NTM: variants seen among roughly 807,000 people sequenced by gnomAD.
NTM encodes the protein neurotrimin, also known as IgLON family member 2.
Under a neutral mutation model 42.1 loss-of-function variants are expected in NTM, and 13 were observed. The ratio of observed to expected loss-of-function variants is 0.31; its 90% CI spans 0.20 to 0.49. The LOEUF is 0.49. Among genes scored for constraint, NTM ranks in the 20% least tolerant of loss-of-function variants. The probability of loss-of-function intolerance (pLI) is 0.99; values close to 1 mark genes in which losing one functional copy is unlikely to be tolerated. For missense variants in NTM, 373 were observed against 452.8 expected, an observed-to-expected ratio of 0.82 and a Z score of 1.60; for synonymous variants, 187 against 179.2, an observed-to-expected ratio of 1.04 and a Z score of -0.35.
At chr11:131,474,256 C>A (rs957022825) in intron 1 of NTM, among the ~76,000 whole-genome samples, 14 of 152,184 alleles carry the variant, frequency 9.2e-5, no homozygotes, top group African/African-American at 3.4e-4. Context: ...GTTAACCCAC[C>A]TCCTCCATCT....
At position 131,659,674 on chromosome 11, in the gene NTM, C is replaced by A. The variant is rs147453818; in HGVS notation, c.83-251890C>A. On this transcript the variant is annotated intron_variant, in intron 1 of 8. Transcript: ENST00000683400. ...TTCAGCATAGATCTTTACCTCGAAC[C>A]CTCTCCAAGTCTTTAACATACCAAT... Among the ~76,000 whole-genome samples the A allele has an allele frequency of 5.3e-3, 812 of 152,254 alleles. 6 individuals carry two copies. The highest frequency in any genetic ancestry group is 0.019 in the African/African-American group (782 of 41,534).
At chr11:132,263,560 A>G (rs150403735) in intron 4 of NTM, among the ~76,000 whole-genome samples, 7 of 152,150 alleles carry the variant, frequency 4.6e-5, no homozygotes, top group African/African-American at 1.7e-4. Flanking sequence ...TATAATTCGG[A>G]CCAGCTGAGA....
At position 131,721,821 on chromosome 11, in the gene NTM, A is replaced by G. The variant is rs2078369241; in HGVS notation, c.83-189743A>G. Among the ~76,000 whole-genome samples the G allele has an allele frequency of 2.6e-5, 4 of 151,668 alleles. No individual in the cohort carries two copies. The South Asian group carries it at 6.3e-4, about 24-fold the overall frequency. ...AGACCAGCCTGACCAACATGGAGAA[A>G]CCCCATCTCTACTAAAAATGCAAAA... On this transcript the variant is annotated intron_variant, in intron 1 of 8. Transcript: ENST00000683400.
chr11:132,153,748 T>A (rs990705531), intron 3 of NTM, among the ~76,000 whole-genome samples: 3 of 152,178 alleles, frequency 2.0e-5, no homozygotes, highest in East Asian at 1.9e-4. Flanking sequence ...CATTTAACAG[T>A]ATTTTGAAGC....
At chr11:131,669,681 T>G (rs1006957267) in intron 1 of NTM, among the ~76,000 whole-genome samples, 3 of 151,904 alleles carry the variant, frequency 2.0e-5, no homozygotes, top group Admixed American at 6.6e-5. Context: ...ATAGCCTGGG[T>G]TTTTGGCCAC....
At chr11:131,704,864 A>T (rs908337162) in intron 1 of NTM, among the ~76,000 whole-genome samples, 1 of 152,218 alleles carries the variant, frequency 6.6e-6, no homozygotes, top group Non-Finnish European at 1.5e-5. Context: ...AACAGATTTG[A>T]TAAAGCAGAA....
chr11:131,592,686 A>ACACACC, intron 1 of NTM, among the ~76,000 whole-genome samples: 1 of 127,988 alleles, frequency 7.8e-6, no homozygotes, highest in East Asian at 2.4e-4. Context: ...ACACACACAC[A>ACACACC]CCATAGTTCA....
At chr11:131,496,675 T>A (rs1955378562) in intron 1 of NTM, among the ~76,000 whole-genome samples, 1 of 152,224 alleles carries the variant, frequency 6.6e-6, no homozygotes, top group Admixed American at 6.5e-5. Context: ...TTTGGGGGCA[T>A]TTAGCTTGTT....
chr11:132,278,444 C>G (rs755859941), intron 4 of NTM, among the ~76,000 whole-genome samples: 1 of 152,194 alleles, frequency 6.6e-6, no homozygotes, highest in Non-Finnish European at 1.5e-5. Context: ...AACACCTACA[C>G]GTGGCCTCTC....
intron 1 of NTM, among the ~76,000 whole-genome samples, chr11:131,381,536 T>C (rs983845403): frequency 2.0e-5 from 3 of 152,100 alleles, no homozygotes; most frequent in African/African-American, 7.3e-5. Context: ...AAATGCCATA[T>C]TGTCATTTTT....
chr11:132,077,244 A>C (rs1431907221), intron 2 of NTM, among the ~76,000 whole-genome samples: 1 of 152,262 alleles, frequency 6.6e-6, no homozygotes, highest in Non-Finnish European at 1.5e-5. Context: ...TTAGAAAGAC[A>C]TCTGTTGATA....
At chr11:132,094,344 GCACCTT>G (rs1455727439) in intron 2 of NTM, among the ~76,000 whole-genome samples, 1 of 152,140 alleles carries the variant, frequency 6.6e-6, no homozygotes, top group Non-Finnish European at 1.5e-5. Flanking sequence ...TCTTCCTAGG[GCACCTT>G]GCTCTTGTGG....
intron 2 of NTM, among the ~76,000 whole-genome samples, chr11:131,946,939 T>G (rs2060410635): frequency 6.6e-6 from 1 of 152,192 alleles, no homozygotes; most frequent in South Asian, 2.1e-4. Flanking sequence ...AGCAAATTCT[T>G]GGCTACAGAG....
intron 1 of NTM, among the ~76,000 whole-genome samples, chr11:131,763,619 G>T (rs916584113): frequency 6.6e-6 from 1 of 150,608 alleles, no homozygotes; most frequent in African/African-American, 2.4e-5. Context: ...AGAATGGGAA[G>T]CTGAAGAGCT....
intron 2 of NTM, among the ~76,000 whole-genome samples, chr11:132,074,741 A>G (rs948680582): frequency 6.6e-6 from 1 of 152,238 alleles, no homozygotes; most frequent in Admixed American, 6.5e-5. Context: ...TTGTTAAAGA[A>G]TAGAAACTTA....
chr11:131,682,269 T>C (rs2073082847), intron 1 of NTM, among the ~76,000 whole-genome samples: 1 of 152,188 alleles, frequency 6.6e-6, no homozygotes, highest in Non-Finnish European at 1.5e-5. Flanking sequence ...TCTGGTTTCC[T>C]TCCTGGAAAA....
At position 132,003,144 on chromosome 11, in the gene NTM, G is replaced by A. The variant is rs978248560; in HGVS notation, c.167+91496G>A. Among the ~76,000 whole-genome samples, 1 of 152,010 alleles carries A rather than the reference G, an allele frequency of 6.6e-6. No individual in the cohort carries two copies. Among genetic ancestry groups the A allele is most frequent in the Admixed American group, 6.6e-5 (1 of 15,260 alleles). On this transcript the variant is annotated intron_variant, in intron 2 of 8. Coordinates refer to ENST00000683400, the MANE Select transcript of NTM (RefSeq NM_001352005.2). The surrounding 1 kb of genome is among the most constrained non-coding windows in gnomAD (Gnocchi z 6.0). ...CTTATATTTCCTCCTTCACCCTAAT[G>A]CTAGCCCGGTTCTGAGCCAGAGTTA...
Position 132,213,356 on chromosome 11 carries a change from G to T in NTM, c.526+1209G>T, listed in dbSNP as rs559026845. On this transcript the variant is annotated intron_variant, in intron 4 of 8. Coordinates refer to ENST00000683400, the MANE Select transcript of NTM (RefSeq NM_001352005.2). ...CTGAAGCTAGGATTGCCCTTCAGAA[G>T]GTTCCCTTATTGAGGTGATGGAGCT... is the stretch of plus-strand genomic sequence containing the variant. Among the ~76,000 whole-genome samples the T allele has an allele frequency of 1.4e-3, 206 of 152,222 alleles. 1 individual carries two copies. Among genetic ancestry groups the T allele is most frequent in the Non-Finnish European group, 2.6e-3 (174 of 68,008 alleles).
At chr11:131,657,690 C>G (rs1197531246) in intron 1 of NTM, among the ~76,000 whole-genome samples, 1 of 152,218 alleles carries the variant, frequency 6.6e-6, no homozygotes, top group African/African-American at 2.4e-5. Context: ...GGAATCCCAG[C>G]ACTATCTCAG....
Sources: allele counts gnomAD v4.1 joint callset (sites outside exome capture counted in the v4.1 genomes callset), GRCh38; gene constraint gnomAD v4.1.1; non-coding constraint Gnocchi (gnomAD v3.1); transcripts MANE v1.5; gene names NCBI Gene and HGNC (gene_info 2026-07-23, HGNC 2026-07-21).